RABGAP1L: variants seen among roughly 807,000 people sequenced by gnomAD.
The protein encoded by RABGAP1L is RAB GTPase activating protein 1 like.
RABGAP1L carries 63 observed loss-of-function variants against 137.7 expected under a neutral mutation model. The observed-to-expected ratio is 0.46, with a 90% CI of 0.37 to 0.56. The LOEUF is 0.56. Among genes scored for constraint, RABGAP1L ranks in the 20% least tolerant of loss-of-function variants. The pLI, the probability that RABGAP1L is intolerant of heterozygous loss-of-function variation, is 0.00. For missense variants in RABGAP1L, 1,095 were observed against 1,244.0 expected, an observed-to-expected ratio of 0.88 and a Z score of 1.80; for synonymous variants, 431 against 433.7, an observed-to-expected ratio of 0.99 and a Z score of 0.08.
intron 13 of RABGAP1L, among the ~76,000 whole-genome samples, chr1:174,610,811 A>T (rs1262368864): frequency 6.6e-6 from 1 of 152,206 alleles, no homozygotes; most frequent in East Asian, 1.9e-4. Flanking sequence ...GCCAGTGATG[A>T]TGAGCATTTT....
intron 11 of RABGAP1L, among the ~76,000 whole-genome samples, chr1:174,352,501 C>T (rs1240139710): frequency 6.6e-6 from 1 of 152,074 alleles, no homozygotes; most frequent in East Asian, 1.9e-4. Flanking sequence ...TTTCTTTGAA[C>T]TTTCTCAGAG....
chr1:174,687,879 T>G (rs901460792), intron 15 of RABGAP1L, among the ~76,000 whole-genome samples: 8 of 152,230 alleles, frequency 5.3e-5, no homozygotes, highest in African/African-American at 9.6e-5. Context: ...AAAACAGTTT[T>G]GAATTTTTAG....
chr1:174,895,110 C>T (rs1016848731), intron 19 of RABGAP1L, among the ~76,000 whole-genome samples: 2 of 152,066 alleles, frequency 1.3e-5, no homozygotes, highest in African/African-American at 2.4e-5. Flanking sequence ...CCTCTGAACC[C>T]TTATCAGGTC....
intron 13 of RABGAP1L, among the ~76,000 whole-genome samples, chr1:174,612,999 A>G (rs1031881644): frequency 7.9e-5 from 12 of 151,584 alleles, no homozygotes; most frequent in Non-Finnish European, 1.6e-4. Flanking sequence ...GATCCTTTCA[A>G]AAAACCAGGT....
intron 19 of RABGAP1L, among the ~76,000 whole-genome samples, chr1:174,894,561 G>A (rs1656809914): frequency 6.6e-6 from 1 of 152,210 alleles, no homozygotes; most frequent in Non-Finnish European, 1.5e-5. Flanking sequence ...AAGAGGGCAT[G>A]ACTGAGTTGG....
At chr1:174,405,867 A>G (rs1234153711) in intron 13 of RABGAP1L, among the ~76,000 whole-genome samples, 2 of 152,054 alleles carry the variant, frequency 1.3e-5, no homozygotes, top group African/African-American at 4.8e-5. Flanking sequence ...AGTCCCAGCT[A>G]CTTGGGAGGC....
chr1:174,720,245 AG>A (rs1450579937), intron 17 of RABGAP1L, among the ~76,000 whole-genome samples: 1 of 146,448 alleles, frequency 6.8e-6, no homozygotes, highest in Non-Finnish European at 1.5e-5. Context: ...CTAGCTAGCT[AG>A]ATGTAGATAG....
intron 24 of RABGAP1L, among the ~76,000 whole-genome samples, chr1:174,984,244 G>A (rs1011688945): frequency 3.0e-4 from 45 of 151,876 alleles, no homozygotes; most frequent in Admixed American, 3.0e-3. Context: ...TGTGTTCTCA[G>A]TGCTAAACTG....
Position 174,699,462 on chromosome 1 carries a change from C to CT in RABGAP1L, c.1900-57dup. 2.0e-6 allele frequency: 3 copies of CT among 1,511,388 alleles called. No homozygotes were observed. The South Asian group carries it at 3.7e-5, about 19-fold the overall frequency. 93.6% of individuals were successfully genotyped at this position (1,511,388 alleles called of 1,614,324 possible). On this transcript the variant is annotated intron_variant, in intron 15 of 25. Transcript: ENST00000681986. ...GCAGAGGACTAATAACATGAAGGAA[C>CT]TTTTTTGACATTCTGGCAAAATGCC... is the stretch of plus-strand genomic sequence containing the variant.
intron 1 of RABGAP1L, among the ~76,000 whole-genome samples, chr1:174,200,807 C>T (rs1668042063): frequency 6.6e-6 from 1 of 152,078 alleles, no homozygotes; most frequent in Non-Finnish European, 1.5e-5. Flanking sequence ...TCTCTTGTCC[C>T]TGCTGGTATT....
chr1:174,159,546 A>T lies in RABGAP1L; in HGVS notation c.-145A>T, dbSNP rs372474719. 1 of 151,926 alleles carries T rather than the reference A, an allele frequency of 6.6e-6. No homozygotes were observed. The highest frequency in any genetic ancestry group is 2.4e-5 in the African/African-American group (1 of 41,332). The allele number at this position is 151,926 out of a possible 1,614,324, so 9.4% of individuals were successfully genotyped here. A position where few individuals can be genotyped will look rare whatever the true frequency, so the allele number is the denominator to read the frequency against. On this transcript the variant is annotated 5_prime_UTR_variant, in exon 1 of 26. Coordinates refer to ENST00000681986, the MANE Select transcript of RABGAP1L (RefSeq NM_001366446.1). ...GTTCCCTCCGCCCTCCTCGGGCTCC[A>T]GCGGTGGCGGAGCGAACGGGACCGG...
chr1:174,350,839 G>A (rs1337610398), intron 11 of RABGAP1L, among the ~76,000 whole-genome samples: 5 of 85,976 alleles, frequency 5.8e-5, no homozygotes, highest in Non-Finnish European at 9.4e-5. Context: ...CTGCAATCCC[G>A]GCACCTCGGG....
chr1:174,339,301 T>C (rs773035246), intron 11 of RABGAP1L, among the ~76,000 whole-genome samples: 40 of 152,240 alleles, frequency 2.6e-4, no homozygotes, highest in Non-Finnish European at 4.0e-4. Flanking sequence ...GAAAGGAAAT[T>C]TGTGAAGTAG....
intron 13 of RABGAP1L, among the ~76,000 whole-genome samples, chr1:174,432,677 A>G (rs1652783362): frequency 6.6e-6 from 1 of 152,106 alleles, no homozygotes; most frequent in Non-Finnish European, 1.5e-5. Flanking sequence ...AGCTGGGACT[A>G]CAAGCGTGCG....
chr1:174,590,123 C>CT (rs1166364912), intron 13 of RABGAP1L, among the ~76,000 whole-genome samples: 876 of 59,772 alleles, frequency 0.015, 51 homozygotes, highest in Admixed American at 0.027. Context: ...TCTTCAGTTT[C>CT]TTTTTTTTTT....
At chr1:174,790,644 A>G (rs1687783252) in intron 18 of RABGAP1L, among the ~76,000 whole-genome samples, 1 of 151,946 alleles carries the variant, frequency 6.6e-6, no homozygotes, top group Admixed American at 6.6e-5. Flanking sequence ...GAAAAGAGAA[A>G]GCCTCTGTGA....
intron 14 of RABGAP1L, among the ~76,000 whole-genome samples, chr1:174,664,118 T>C (rs1485045586): frequency 1.3e-5 from 2 of 152,192 alleles, no homozygotes; most frequent in Non-Finnish European, 2.9e-5. Context: ...CAACTTTGTG[T>C]ATTGATTAGT....
chr1:174,797,907 C>T (rs1051563445), intron 18 of RABGAP1L, among the ~76,000 whole-genome samples: 3 of 152,000 alleles, frequency 2.0e-5, no homozygotes, highest in Non-Finnish European at 2.9e-5. Context: ...TGCTTATGAT[C>T]ATTTTACATT....
At chr1:174,778,901 G>T (rs1686742560) in intron 18 of RABGAP1L, among the ~76,000 whole-genome samples, 1 of 152,056 alleles carries the variant, frequency 6.6e-6, no homozygotes, top group Non-Finnish European at 1.5e-5. Flanking sequence ...GCCACCTTCT[G>T]CATTTTTATA....
Sources: allele counts gnomAD v4.1 joint callset (sites outside exome capture counted in the v4.1 genomes callset), GRCh38; gene constraint gnomAD v4.1.1; transcripts MANE v1.5; gene names NCBI Gene and HGNC (gene_info 2026-07-23, HGNC 2026-07-21).